ENTREP2: variants seen among roughly 807,000 people sequenced by gnomAD.
ENTREP2 encodes the protein endosomal transmembrane epsin interactor 2.
At chr15:29,162,471 G>A in the ENTREP2 span, among the ~76,000 whole-genome samples, 1 of 152,144 alleles carries the variant, frequency 6.6e-6, no homozygotes, top group Non-Finnish European at 1.5e-5. Context: ...TTGGATGGGG[G>A]CATGGTGGGA....
At chr15:29,223,289 G>T in the ENTREP2 span, among the ~76,000 whole-genome samples, 2 of 152,146 alleles carry the variant, frequency 1.3e-5, no homozygotes, top group African/African-American at 4.8e-5. Flanking sequence ...GGTGGCAGCC[G>T]CTCCCTCCAG....
chr15:29,518,860 A>G, the ENTREP2 span, among the ~76,000 whole-genome samples: 1 of 152,208 alleles, frequency 6.6e-6, no homozygotes, highest in African/African-American at 2.4e-5. Flanking sequence ...AACAGAGAGG[A>G]AGGTCACAGA....
chr15:29,667,687 G>T, the ENTREP2 span, among the ~76,000 whole-genome samples: 1 of 151,902 alleles, frequency 6.6e-6, no homozygotes, highest in Non-Finnish European at 1.5e-5. Flanking sequence ...GTAGAGACAA[G>T]GTTTCACCAT....
chr15:29,119,275 A>AATG, the ENTREP2 span, among the ~76,000 whole-genome samples: 1 of 53,490 alleles, frequency 1.9e-5, no homozygotes, highest in African/African-American at 3.7e-5. Flanking sequence ...TATGCTTAAG[A>AATG]ATGATGAGTT....
the ENTREP2 span, among the ~76,000 whole-genome samples, chr15:29,298,592 A>T: frequency 6.6e-6 from 1 of 152,154 alleles, no homozygotes; most frequent in Non-Finnish European, 1.5e-5. Flanking sequence ...AATTTATAGG[A>T]ATACATTTGA....
At chr15:29,593,869 C>A in the ENTREP2 span, among the ~76,000 whole-genome samples, 1 of 152,124 alleles carries the variant, frequency 6.6e-6, no homozygotes. Context: ...TTACATAAAT[C>A]TGCAAATGTG....
the ENTREP2 span, among the ~76,000 whole-genome samples, chr15:29,143,914 G>C: frequency 6.6e-6 from 1 of 152,180 alleles, no homozygotes; most frequent in Non-Finnish European, 1.5e-5. Context: ...AGATGTGAAG[G>C]GATGCTGTGA....
the ENTREP2 span, among the ~76,000 whole-genome samples, chr15:29,486,993 G>T: frequency 2.0e-5 from 3 of 152,090 alleles, no homozygotes; most frequent in Non-Finnish European, 4.4e-5. Context: ...GGTGAATATG[G>T]TTAACTACAA....
chr15:29,540,035 T>G, the ENTREP2 span, among the ~76,000 whole-genome samples: 1 of 152,152 alleles, frequency 6.6e-6, no homozygotes, highest in Non-Finnish European at 1.5e-5. Flanking sequence ...GCACCCAGGA[T>G]GTATGGGGAT....
the ENTREP2 span, among the ~76,000 whole-genome samples, chr15:29,483,162 T>C: frequency 3.4e-4 from 52 of 152,358 alleles, no homozygotes; most frequent in Non-Finnish European, 5.9e-4. Flanking sequence ...TTCAGGTTGT[T>C]TGCCCATTTT....
At chr15:29,145,449 C>T in the ENTREP2 span, among the ~76,000 whole-genome samples, 112 of 151,772 alleles carry the variant, frequency 7.4e-4, 1 homozygote, top group African/African-American at 2.5e-3. Context: ...GGTGAAACCC[C>T]GTCTCTACTA....
chr15:29,379,121 G>A, the ENTREP2 span, among the ~76,000 whole-genome samples: 12 of 152,356 alleles, frequency 7.9e-5, no homozygotes, highest in African/African-American at 2.9e-4. Context: ...CCTGTCCAGA[G>A]AGGCAGTGCC....
At chr15:29,334,809 G>A in the ENTREP2 span, among the ~76,000 whole-genome samples, 1 of 152,146 alleles carries the variant, frequency 6.6e-6, no homozygotes, top group Non-Finnish European at 1.5e-5. Context: ...TGCTGGCTCT[G>A]GCAGAAGCCA....
chr15:29,284,972 A>G, the ENTREP2 span, among the ~76,000 whole-genome samples: 1 of 152,328 alleles, frequency 6.6e-6, no homozygotes, highest in Admixed American at 6.5e-5. Context: ...TCCTAGCCCC[A>G]ATCTCAGCAT....
the ENTREP2 span, among the ~76,000 whole-genome samples, chr15:29,649,530 G>A: frequency 6.6e-6 from 1 of 151,944 alleles, no homozygotes; most frequent in Non-Finnish European, 1.5e-5. Flanking sequence ...AGACCAGCCT[G>A]GCCAACATGG....
chr15:29,573,520 T>C, the ENTREP2 span, among the ~76,000 whole-genome samples: 1,259 of 152,324 alleles, frequency 8.3e-3, 21 homozygotes, highest in African/African-American at 0.029. Flanking sequence ...GATTAGTTGT[T>C]TCAAAGTTAC....
At chr15:29,190,834 T>C in the ENTREP2 span, among the ~76,000 whole-genome samples, 1 of 152,124 alleles carries the variant, frequency 6.6e-6, no homozygotes, top group Admixed American at 6.5e-5. Flanking sequence ...AATTAGACTA[T>C]GGAAAAGATC....
At chr15:29,218,911 G>A in the ENTREP2 span, among the ~76,000 whole-genome samples, 1 of 152,138 alleles carries the variant, frequency 6.6e-6, no homozygotes, top group Non-Finnish European at 1.5e-5. Flanking sequence ...CTTAGGCAAG[G>A]ATTTCATGAC....
the ENTREP2 span, among the ~76,000 whole-genome samples, chr15:29,182,127 A>T: frequency 6.9e-6 from 1 of 144,808 alleles, no homozygotes; most frequent in Non-Finnish European, 1.5e-5. Flanking sequence ...AAAAAAAAGA[A>T]TTTTTTTTTT....
Sources: allele counts gnomAD v4.1 joint callset (sites outside exome capture counted in the v4.1 genomes callset), GRCh38; gene constraint gnomAD v4.1.1; transcripts MANE v1.5; gene names NCBI Gene and HGNC (gene_info 2026-07-23, HGNC 2026-07-21).